Variants in MMP26 observed in about 807,000 individuals in gnomAD.
MMP26 encodes matrix metalloproteinase-26.
In MMP26, 33 loss-of-function variants were observed where a neutral mutation model predicts 31.0. That is an observed-to-expected ratio of 1.06 (90% CI 0.81 to 1.42). The LOEUF (loss-of-function observed/expected upper bound fraction) is 1.42. MMP26 is among the 40% of genes most tolerant of loss of function. The pLI, the probability that MMP26 is intolerant of heterozygous loss-of-function variation, is 0.00. For synonymous variants in MMP26, 122 were observed against 114.9 expected (o/e 1.06, Z -0.40); for missense variants, 347 against 316.1 (o/e 1.10, Z -0.74).
intron 2 of MMP26, chr11:4,913,628 T>A (rs963737030): frequency 6.6e-6 from 1 of 152,218 alleles, no homozygotes; most frequent in African/African-American, 2.4e-5. Flanking sequence ...CCTTGGCTTA[T>A]AATCTCTTTC....
At chr11:4,863,941 C>T (rs143055727) in intron 2 of MMP26, among the ~76,000 whole-genome samples, 1 of 152,164 alleles carries the variant, frequency 6.6e-6, no homozygotes, top group Admixed American at 6.5e-5. Context: ...CACATACGTG[C>T]ACACAAATGC....
chr11:4,814,569 C>T (rs1849395876), intron 2 of MMP26, among the ~76,000 whole-genome samples: 1 of 152,168 alleles, frequency 6.6e-6, no homozygotes, highest in Non-Finnish European at 1.5e-5. Context: ...TCGTTTCGGT[C>T]TACACAGACT....
chr11:4,828,210 A>G (rs912696477), intron 2 of MMP26, among the ~76,000 whole-genome samples: 2 of 152,118 alleles, frequency 1.3e-5, no homozygotes, highest in African/African-American at 4.8e-5. Flanking sequence ...TTTTGAAGCC[A>G]TTGTAGACTG....
chr11:4,709,685 T>C (rs1847832205), intron 1 of MMP26: 2 of 458,328 alleles, frequency 4.4e-6, no homozygotes, highest in Admixed American at 2.3e-5. Flanking sequence ...TCTATGTCAT[T>C]GCTATCTCTG....
chr11:4,819,896 T>A (rs1314921181), intron 2 of MMP26, among the ~76,000 whole-genome samples: 6 of 152,094 alleles, frequency 3.9e-5, no homozygotes, highest in African/African-American at 1.4e-4. Flanking sequence ...AATTTGATGG[T>A]TCCATTTTGG....
At chr11:4,968,729 G>T (rs1201194604) in intron 2 of MMP26, among the ~76,000 whole-genome samples, 1 of 151,864 alleles carries the variant, frequency 6.6e-6, no homozygotes, top group Non-Finnish European at 1.5e-5. Context: ...TCTTGCATCT[G>T]TATAATTTTG....
chr11:4,992,095 G>A lies in MMP26; in HGVS notation c.727G>A (p.Asp243Asn), dbSNP rs371733570. The A allele has an allele frequency of 5.2e-5, 84 of 1,613,348 alleles. No individual in the cohort carries two copies. The highest frequency in any genetic ancestry group is 4.9e-4 in the Middle Eastern group (3 of 6,076). Residue 243 changes from aspartate (D) to asparagine (N), a missense_variant, in exon 7 of 8, where the codon GAT (aspartate) becomes AAT (asparagine). Physicochemically the swap from Asp to Asn is conservative, Grantham distance 23 (BLOSUM62 1). Transcript: ENST00000380390. Reference sequence around the variant, plus strand: ...CCCTAGAACCTTCCAGCTCAGTGCCGATGATATCCAAAGGATCCAGCATTT... The same window carrying A: ...CCCTAGAACCTTCCAGCTCAGTGCCAATGATATCCAAAGGATCCAGCATTT... ...HDPRTFQLSADDIQRIQHLYG... is the reference protein window; with the variant it reads ...HDPRTFQLSANDIQRIQHLYG...
chr11:4,773,179 C>T (rs779740171), intron 2 of MMP26, among the ~76,000 whole-genome samples: 7 of 152,208 alleles, frequency 4.6e-5, no homozygotes, highest in Non-Finnish European at 7.3e-5. Context: ...CCTTCTTGGA[C>T]TCAGCCCATG....
At chr11:4,837,424 C>T (rs965821918) in intron 2 of MMP26, among the ~76,000 whole-genome samples, 8 of 152,036 alleles carry the variant, frequency 5.3e-5, no homozygotes, top group African/African-American at 1.9e-4. Context: ...GTTGTCCAGC[C>T]TGGTCTCAAA....
intron 2 of MMP26, chr11:4,915,579 G>T: frequency 1.9e-6 from 3 of 1,614,102 alleles, no homozygotes; most frequent in Non-Finnish European, 2.5e-6. Flanking sequence ...ATCCAGATGT[G>T]CATGCGCTCC....
At chr11:4,924,185 C>A in intron 2 of MMP26, 1 of 1,614,100 alleles carries the variant, frequency 6.2e-7, no homozygotes, top group Non-Finnish European at 8.5e-7. Context: ...GGCATCAGTA[C>A]AAATGACGTG....
At chr11:4,987,368 A>G (rs1389115857) in intron 2 of MMP26, among the ~76,000 whole-genome samples, 1 of 151,246 alleles carries the variant, frequency 6.6e-6, no homozygotes, top group Non-Finnish European at 1.5e-5. Context: ...GATCTCTTTT[A>G]CATAGGTCTT....
chr11:4,804,037 G>C (rs1411024294), intron 2 of MMP26: 1 of 1,613,980 alleles, frequency 6.2e-7, no homozygotes, highest in South Asian at 1.1e-5. Context: ...GAGCACCCCA[G>C]ACTCCACAGA....
At chr11:4,855,562 T>A (rs2133504496) in intron 2 of MMP26, among the ~76,000 whole-genome samples, 1 of 152,172 alleles carries the variant, frequency 6.6e-6, no homozygotes, top group East Asian at 1.9e-4. Context: ...CCAAGAAATA[T>A]GAGACTATGT....
rs1290226780 is a variant in MMP26, at chr11:4,954,053, C to A, written c.-144-34015C>A. On this transcript the variant is annotated intron_variant, in intron 2 of 7. Coordinates refer to ENST00000380390, the MANE Select transcript of MMP26 (RefSeq NM_021801.5). Reference sequence around the variant, plus strand: ...TGGGCTACAGAGCAAGATTTCGTCTCAAAAAAAATTTCTTTATTGATTTAA... The same window carrying A: ...TGGGCTACAGAGCAAGATTTCGTCTAAAAAAAAATTTCTTTATTGATTTAA... 1.6e-5 allele frequency among the ~76,000 whole-genome samples: 2 copies of A among 124,966 alleles called. 1 individual carries two copies. Among genetic ancestry groups the A allele is most frequent in the Non-Finnish European group, 3.6e-5 (2 of 55,164 alleles). 82.0% of individuals were successfully genotyped at this position (124,966 alleles called of 152,430 possible). A position where few individuals can be genotyped will look rare whatever the true frequency, so the allele number is the denominator to read the frequency against.
In MMP26 at chr11:4,949,676, C is replaced by CA. The variant is rs201501290; in HGVS notation, c.-144-38385dup. Among the ~76,000 whole-genome samples, 832 of 117,884 alleles carry CA rather than the reference C, an allele frequency of 7.1e-3. 220 individuals carry two copies. The highest frequency in any genetic ancestry group is 0.012 in the Non-Finnish European group (622 of 52,138). 77.3% of individuals were successfully genotyped at this position (117,884 alleles called of 152,430 possible). ...AGTGAAGGAATAACAACAAAATCTCCAAAAAAATGAAGAAAATAAACTGGT... is the reference window on the plus strand; with the variant it reads ...AGTGAAGGAATAACAACAAAATCTCCAAAAAAAATGAAGAAAATAAACTGGT... On this transcript the variant is annotated intron_variant, in intron 2 of 7. Coordinates refer to ENST00000380390, the MANE Select transcript of MMP26 (RefSeq NM_021801.5).
At chr11:4,964,408 G>T (rs1488460498) in intron 2 of MMP26, among the ~76,000 whole-genome samples, 1 of 152,066 alleles carries the variant, frequency 6.6e-6, no homozygotes, top group African/African-American at 2.4e-5. Flanking sequence ...GTTTGTTGAA[G>T]ATCAGATGGT....
chr11:4,883,343 A>C (rs1169725905), intron 2 of MMP26, among the ~76,000 whole-genome samples: 2 of 152,156 alleles, frequency 1.3e-5, no homozygotes, highest in African/African-American at 4.8e-5. Flanking sequence ...ACACGTAGAA[A>C]GTTATAATTA....
At chr11:4,866,323 A>C (rs927918620) in intron 2 of MMP26, among the ~76,000 whole-genome samples, 1 of 152,184 alleles carries the variant, frequency 6.6e-6, no homozygotes, top group African/African-American at 2.4e-5. Flanking sequence ...AACAAAAGAA[A>C]ATTTAAAAAC....
Sources: gnomAD v4.1 joint callset for allele counts (sites outside exome capture counted in the v4.1 genomes callset) on GRCh38, gnomAD v4.1.1 for gene constraint, MANE v1.5 for transcripts, NCBI Gene and HGNC (gene_info 2026-07-23, HGNC 2026-07-21) for gene names.